The following ZNF83 variants were observed in gnomAD, a reference collection of about 807,000 sequenced individuals.
ZNF83 encodes the protein zinc finger protein 83.
For missense variants in ZNF83, 552 were observed against 629.9 expected (o/e 0.88, Z 1.32); for synonymous variants, 209 against 213.0 (o/e 0.98, Z 0.17).
chr19:52,644,164 G>A (rs2061343590), intron 3 of ZNF83, among the ~76,000 whole-genome samples: 1 of 144,506 alleles, frequency 6.9e-6, no homozygotes, highest in African/African-American at 2.6e-5. Context: ...CTACAACTCT[G>A]TTTCTTCCAT....
chr19:52,653,296 C>G, intron 3 of ZNF83: 1 of 1,388,534 alleles, frequency 7.2e-7, no homozygotes, highest in Non-Finnish European at 1.0e-6. Flanking sequence ...AAAAACCTTA[C>G]CACATTCATT....
upstream of ZNF83, among the ~76,000 whole-genome samples, chr19:52,639,570 A>G (rs1403693420): frequency 6.6e-6 from 1 of 151,126 alleles, no homozygotes; most frequent in Non-Finnish European, 1.5e-5. Flanking sequence ...GACGCGCACA[A>G]CCATGCCCGG....
upstream of ZNF83, among the ~76,000 whole-genome samples, chr19:52,641,498 C>A (rs1293459661): frequency 6.6e-6 from 1 of 152,084 alleles, no homozygotes; most frequent in Non-Finnish European, 1.5e-5. Flanking sequence ...AGTTGAAGAG[C>A]ATTTCCCTAT....
At chr19:52,655,490 G>T in intron 3 of ZNF83, 3 of 1,335,414 alleles carry the variant, frequency 2.2e-6, no homozygotes, top group Non-Finnish European at 3.1e-6. Context: ...TCACAAAAGA[G>T]AATACAAAAC....
intron 2 of ZNF83, among the ~76,000 whole-genome samples, chr19:52,657,037 G>C (rs2061514923): frequency 1.3e-5 from 2 of 152,054 alleles, no homozygotes; most frequent in African/African-American, 4.8e-5. Context: ...GATTGCTTGA[G>C]CCTGGAGAGC....
exon 3 of ZNF83, chr19:52,612,992 G>T: frequency 1.3e-6 from 2 of 1,544,134 alleles, no homozygotes; most frequent in Non-Finnish European, 1.8e-6. Context: ...AGGCTTTAAT[G>T]CTAACTGAAC....
intron 1 of ZNF83, among the ~76,000 whole-genome samples, chr19:52,676,635 G>A (rs1169575744): frequency 4.0e-5 from 6 of 148,610 alleles, no homozygotes; most frequent in Non-Finnish European, 9.0e-5. Flanking sequence ...GTGCCCAACA[G>A]CTCATTGAGA....
At chr19:52,632,856 C>A (rs1220486660) in intron 2 of ZNF83, among the ~76,000 whole-genome samples, 1 of 152,108 alleles carries the variant, frequency 6.6e-6, no homozygotes, top group Non-Finnish European at 1.5e-5. Context: ...CAATATCACC[C>A]CTTACCACAA....
At chr19:52,689,324 C>T (rs1397883404) in intron 1 of ZNF83, among the ~76,000 whole-genome samples, 2 of 151,996 alleles carry the variant, frequency 1.3e-5, no homozygotes, top group Non-Finnish European at 2.9e-5. Context: ...CAAATATTTC[C>T]GCCTCTTCTC....
intron 1 of ZNF83, 161 bp from the exon 2 acceptor site, chr19:52,635,314 CT>C: frequency 2.5e-6 from 1 of 405,454 alleles, no homozygotes. Flanking sequence ...CTCCCGCACC[CT>C]TCTGGAGAAG....
upstream of ZNF83, chr19:52,638,498 CTG>C (rs2061233533): frequency 6.7e-6 from 1 of 150,160 alleles, no homozygotes; most frequent in South Asian, 2.1e-4. Context: ...AGGGCGGGAC[CTG>C]TGAGTCTCTC....
intron 1 of ZNF83, among the ~76,000 whole-genome samples, chr19:52,688,263 C>T (rs1016476174): frequency 8.6e-5 from 13 of 151,940 alleles, no homozygotes; most frequent in South Asian, 2.1e-4. Context: ...CTGGACCTCC[C>T]GAGCTCAAGT....
chr19:52,615,970 C>G (rs191866929), intron 2 of ZNF83, among the ~76,000 whole-genome samples: 2 of 152,310 alleles, frequency 1.3e-5, no homozygotes, highest in East Asian at 3.9e-4. Flanking sequence ...TCCTGAGTAG[C>G]TGGGATTACA....
intron 1 of ZNF83, among the ~76,000 whole-genome samples, chr19:52,671,524 C>T (rs2061725860): frequency 6.6e-6 from 1 of 151,944 alleles, no homozygotes; most frequent in South Asian, 2.1e-4. Flanking sequence ...GCTCCTTGCA[C>T]CCTCAACCTC....
At chr19:52,686,685 A>T (rs1439960524) in intron 1 of ZNF83, among the ~76,000 whole-genome samples, 3 of 151,918 alleles carry the variant, frequency 2.0e-5, no homozygotes, top group African/African-American at 7.2e-5. Flanking sequence ...GTGATTGTGT[A>T]CCTCATCTTC....
chr19:52,638,054 A>G (rs1341201474), intron 1 of ZNF83, among the ~76,000 whole-genome samples: 1 of 152,114 alleles, frequency 6.6e-6, no homozygotes, highest in Non-Finnish European at 1.5e-5. Flanking sequence ...GAGGAGTCAG[A>G]AAACAGTTTT....
intron 1 of ZNF83, among the ~76,000 whole-genome samples, chr19:52,673,260 C>T (rs926204237): frequency 6.6e-6 from 1 of 152,166 alleles, no homozygotes; most frequent in East Asian, 1.9e-4. Context: ...AATCCCAGCA[C>T]TTTGGGAGCC....
chr19:52,614,026 T>A, exon 3 of ZNF83: 1 of 1,613,408 alleles, frequency 6.2e-7, no homozygotes, highest in Non-Finnish European at 8.5e-7. Context: ...GCCACATTCA[T>A]TACATTTATA....
intron 1 of ZNF83, among the ~76,000 whole-genome samples, chr19:52,676,935 C>G: frequency 7.2e-6 from 1 of 139,796 alleles, no homozygotes; most frequent in East Asian, 2.0e-4. Context: ...GCAGCATGCT[C>G]CTTAAGAGTC....
Sources: allele counts gnomAD v4.1 joint callset (sites outside exome capture counted in the v4.1 genomes callset), GRCh38; gene constraint gnomAD v4.1.1; transcripts MANE v1.5; gene names NCBI Gene and HGNC (gene_info 2026-07-23, HGNC 2026-07-21).